Variants in COPS2 observed in about 807,000 individuals in gnomAD.
COPS2 encodes COP9 signalosome subunit 2.
A neutral mutation model predicts 66.1 loss-of-function variants in COPS2; 10 were observed. The ratio of observed to expected loss-of-function variants is 0.15; its 90% CI spans 0.09 to 0.26. The LOEUF (loss-of-function observed/expected upper bound fraction) is 0.26. COPS2 is among the 10% of genes least tolerant of loss of function. COPS2 has a pLI of 1.00. For synonymous variants in COPS2, 179 were observed against 171.3 expected, an observed-to-expected ratio of 1.04 and a Z score of -0.35; for missense variants, 215 against 513.3, an observed-to-expected ratio of 0.42 and a Z score of 5.62.
At chr15:49,132,220 G>A (rs940144987) in intron 9 of COPS2, among the ~76,000 whole-genome samples, 10 of 152,022 alleles carry the variant, frequency 6.6e-5, no homozygotes, top group African/African-American at 2.2e-4. Flanking sequence ...TAAAGATGAC[G>A]TTTCCTTTAA....
chr15:49,153,675 G>A (rs973358661), intron 1 of COPS2, among the ~76,000 whole-genome samples: 2 of 152,220 alleles, frequency 1.3e-5, no homozygotes, highest in African/African-American at 4.8e-5. Context: ...TGAAGAAAAT[G>A]TGGTATATAT....
At chr15:49,133,879 A>G in intron 8 of COPS2, 51 bp downstream of exon 8, 1 of 1,545,946 alleles carries the variant, frequency 6.5e-7, no homozygotes, top group Non-Finnish European at 8.8e-7. Context: ...AAGAAATAAC[A>G]TTTATTTCCA....
At chr15:49,133,135 C>T (rs1188843998) in intron 9 of COPS2, among the ~76,000 whole-genome samples, 1 of 151,910 alleles carries the variant, frequency 6.6e-6, no homozygotes, top group Non-Finnish European at 1.5e-5. Context: ...ACTACAGGCG[C>T]CTGCCACCAC....
intron 1 of COPS2, among the ~76,000 whole-genome samples, chr15:49,152,094 CA>C (rs983931799): frequency 3.4e-5 from 5 of 147,628 alleles, no homozygotes; most frequent in Non-Finnish European, 6.0e-5. Flanking sequence ...ATCAATTTTC[CA>C]AAAAACAATA....
At chr15:49,128,472 G>A (rs1237817118) in intron 12 of COPS2, among the ~76,000 whole-genome samples, 1 of 150,546 alleles carries the variant, frequency 6.6e-6, no homozygotes, top group East Asian at 1.9e-4. Flanking sequence ...TTCTTTGGCT[G>A]TATATAATAA....
In COPS2 at chr15:49,155,373, G is replaced by T. The variant is rs991538723; in HGVS notation, c.54+152C>A. 5.9e-6 allele frequency: 4 copies of T among 678,706 alleles called. No individual in the cohort carries two copies. In the South Asian group the frequency reaches 7.3e-5, roughly 12 times the overall value. The allele number at this position is 678,706 out of a possible 1,614,324, so 42.0% of individuals were successfully genotyped here. On this transcript the variant is annotated intron_variant, in intron 1 of 12. Coordinates refer to ENST00000388901, the MANE Select transcript of COPS2 (RefSeq NM_004236.4). Reference sequence around the variant, plus strand: ...GAGAAGCAGGGCCCGGGCCCGGTGCGGGAACGGGGAGGAGGTAAACCAGTC... The same window carrying T: ...GAGAAGCAGGGCCCGGGCCCGGTGCTGGAACGGGGAGGAGGTAAACCAGTC...
chr15:49,129,537 T>C lies in COPS2; in HGVS notation c.1068A>G (p.Thr356=), dbSNP rs566731732. Residue 356 remains threonine (T), a synonymous_variant, in exon 11 of 13, where the codon ACA becomes ACG. Coordinates refer to ENST00000388901, the MANE Select transcript of COPS2 (RefSeq NM_004236.4). ...GCTTAATTAATTTTATAAGCACTTG[T>C]GTTCTGATGTTTCGCAAAAGCTCTG... ...HIEELLRNIR[T]QVLIKLIKPY... 105 of 1,510,040 alleles carry C rather than the reference T, an allele frequency of 7.0e-5. No individual in the cohort carries two copies. In the East Asian group the frequency reaches 2.6e-3, roughly 37 times the overall value. The allele number at this position is 1,510,040 out of a possible 1,614,324, so 93.5% of individuals were successfully genotyped here. A position where few individuals can be genotyped will look rare whatever the true frequency, so the allele number is the denominator to read the frequency against.
intron 9 of COPS2, among the ~76,000 whole-genome samples, chr15:49,132,563 T>C (rs1159651468): frequency 9.0e-6 from 1 of 111,472 alleles, no homozygotes; most frequent in Non-Finnish European, 1.7e-5. Context: ...ATTATTTACA[T>C]ATATCTGCAA....
chr15:49,144,445 C>T, intron 2 of COPS2, 141 bp from the exon 3 acceptor site: 2 of 557,490 alleles, frequency 3.6e-6, no homozygotes, highest in Non-Finnish European at 6.3e-6. Flanking sequence ...TTCTCAATGT[C>T]ATTTTTCAGT....
rs2084178781 is a variant in COPS2 at position 49,127,807 on chromosome 15, A to T, written c.*143T>A. 2.4e-6 allele frequency: 2 copies of T among 837,550 alleles called. No individual in the cohort carries two copies. Among genetic ancestry groups the T allele is most frequent in the Admixed American group, 5.9e-5 (2 of 34,082 alleles). 51.9% of individuals were successfully genotyped at this position (837,550 alleles called of 1,614,324 possible). A position where few individuals can be genotyped will look rare whatever the true frequency, so the allele number is the denominator to read the frequency against. Reference sequence around the variant, plus strand: ...TAAATGCAGCAGCAAAACACAAACCAGTTGATCAAAAAAGCACTTCTGCCA... The same window carrying T: ...TAAATGCAGCAGCAAAACACAAACCTGTTGATCAAAAAAGCACTTCTGCCA... On this transcript the variant is annotated 3_prime_UTR_variant, in exon 13 of 13. Transcript: ENST00000388901.
In COPS2 at chr15:49,125,353, GTAGAGA is replaced by G. The variant is rs2084157328; in HGVS notation, c.*2591_*2596del. ...GAGTAATGGAAATCCAGCTCTTGTA[GTAGAGA>G]GCATCTACTTGTGGCAGCCAAAGAT... is the stretch of plus-strand genomic sequence containing the variant. On this transcript the variant is annotated 3_prime_UTR_variant, in exon 13 of 13. Coordinates refer to ENST00000388901, the MANE Select transcript of COPS2 (RefSeq NM_004236.4). The G allele has an allele frequency of 1.3e-5, 2 of 152,128 alleles. No homozygotes were observed. Among genetic ancestry groups the G allele is most frequent in the Admixed American group, 1.3e-4 (2 of 15,274 alleles). 9.4% of individuals were successfully genotyped at this position (152,128 alleles called of 1,614,324 possible). A position where few individuals can be genotyped will look rare whatever the true frequency, so the allele number is the denominator to read the frequency against.
At chr15:49,136,113 A>C (rs1238563383) in intron 6 of COPS2, among the ~76,000 whole-genome samples, 1 of 152,232 alleles carries the variant, frequency 6.6e-6, no homozygotes. Flanking sequence ...ATTCATTTAG[A>C]ACAGTTTCTT....
In COPS2 at chr15:49,155,434, T is replaced by G. The variant is rs2084419483; in HGVS notation, c.54+91A>C. On this transcript the variant is annotated intron_variant, in intron 1 of 12. Transcript: ENST00000388901. The stretch of plus-strand genomic sequence containing the variant: ...ACTGAGAGAGGCTGTAAACGGCACA[T>G]GCTCTACGGGGAGAGGCCGCGGGCG... 4 of 1,181,800 alleles carry G rather than the reference T, an allele frequency of 3.4e-6. No homozygotes were observed. In the East Asian group the frequency reaches 9.3e-5, roughly 28 times the overall value. The allele number at this position is 1,181,800 out of a possible 1,614,324, so 73.2% of individuals were successfully genotyped here.
intron 6 of COPS2, among the ~76,000 whole-genome samples, chr15:49,136,128 G>A (rs562860544): frequency 2.6e-5 from 4 of 152,066 alleles, no homozygotes; most frequent in South Asian, 4.1e-4. Context: ...TTTCTTAATC[G>A]TTTCTCCCAT....
chr15:49,141,878 A>C (rs1361269316), intron 3 of COPS2, among the ~76,000 whole-genome samples: 1 of 152,226 alleles, frequency 6.6e-6, no homozygotes, highest in Non-Finnish European at 1.5e-5. Flanking sequence ...CCAAGTCTTA[A>C]GGGTAGCACA....
At chr15:49,136,994 A>C (rs186498919) in intron 6 of COPS2, among the ~76,000 whole-genome samples, 156 bp downstream of exon 6, 2,110 of 150,322 alleles carry the variant, frequency 0.014, 47 homozygotes, top group African/African-American at 0.049. Context: ...CTCTCTCTCA[A>C]AAAAAAAAAG....
chr15:49,132,806 G>GT (rs2084221623), intron 9 of COPS2, among the ~76,000 whole-genome samples: 1 of 151,804 alleles, frequency 6.6e-6, no homozygotes, highest in African/African-American at 2.4e-5. Context: ...TTTCTTCTAG[G>GT]TTTTTTGTTT....
chr15:49,127,754 C>A lies in COPS2; in HGVS notation c.*196G>T. ...AATCCCATGGTATTTTGGTTTTCTT[C>A]TGGAGATTAAAGCTGTTTTTCTTGG... is the stretch of plus-strand genomic sequence containing the variant. On this transcript the variant is annotated 3_prime_UTR_variant, in exon 13 of 13. Transcript: ENST00000388901. 1.8e-6 allele frequency: 1 copy of A among 545,550 alleles called. No homozygotes were observed. Among genetic ancestry groups the A allele is most frequent in the Non-Finnish European group, 3.1e-6 (1 of 318,198 alleles). The allele number at this position is 545,550 out of a possible 1,614,324, so 33.8% of individuals were successfully genotyped here.
At chr15:49,144,914 C>T (rs1224695001) in intron 2 of COPS2, 51 bp downstream of exon 2, 2 of 973,228 alleles carry the variant, frequency 2.1e-6, no homozygotes, top group East Asian at 5.1e-5. Flanking sequence ...TTTGTTCTAG[C>T]ATATCATTAA....
Sources: allele counts gnomAD v4.1 joint callset (sites outside exome capture counted in the v4.1 genomes callset), GRCh38; gene constraint gnomAD v4.1.1; transcripts MANE v1.5; gene names NCBI Gene and HGNC (gene_info 2026-07-23, HGNC 2026-07-21).